The following C2CD2 variants were observed in gnomAD, a reference collection of about 807,000 sequenced individuals.
C2CD2 encodes C2 calcium dependent domain containing 2.
A neutral mutation model predicts 74.3 loss-of-function variants in C2CD2; 43 were observed. The ratio of observed to expected loss-of-function variants is 0.58; its 90% CI spans 0.45 to 0.75. The LOEUF is 0.75. C2CD2 is among the 30% of genes least tolerant of loss of function. The probability of loss-of-function intolerance (pLI) is 0.00; values close to 1 mark genes in which losing one functional copy is unlikely to be tolerated. For synonymous variants in C2CD2, 422 were observed against 390.7 expected (o/e 1.08, Z -0.94); for missense variants, 801 against 916.3 (o/e 0.87, Z 1.63).
Position 41,923,831 on chromosome 21 carries a change from G to A in C2CD2, c.379-1746C>T, listed in dbSNP as rs772227313. 2.6e-5 allele frequency among the ~76,000 whole-genome samples: 4 copies of A among 152,094 alleles called. No individual in the cohort carries two copies. Among genetic ancestry groups the A allele is most frequent in the East Asian group, 1.9e-4 (1 of 5,178 alleles). ...TCAGACCCCTCCCCGCTCCCCTCCC[G>A]GGGGCAGAGGGCCAAGCAGACACGT... On this transcript the variant is annotated intron_variant, in intron 2 of 13. Transcript: ENST00000380486. The surrounding 1 kb of genome is among the most constrained non-coding windows in gnomAD (Gnocchi z 5.8).
At chr21:41,932,471 C>T (rs1299583253) in intron 2 of C2CD2, among the ~76,000 whole-genome samples, 2 of 150,596 alleles carry the variant, frequency 1.3e-5, no homozygotes, top group Non-Finnish European at 3.0e-5. Context: ...CGGGGGCAAC[C>T]CGGAGCTTAC....
chr21:41,907,841 G>A lies in C2CD2; in HGVS notation c.1019-57C>T, dbSNP rs577893633. 1.5e-4 allele frequency: 240 copies of A among 1,602,216 alleles called. 1 individual carries two copies. The East Asian group carries it at 5.3e-3, about 35-fold the overall frequency. On this transcript the variant is annotated intron_variant, in intron 8 of 13. Coordinates refer to ENST00000380486, the MANE Select transcript of C2CD2 (RefSeq NM_015500.2). Reference sequence around the variant, plus strand: ...GCTGATGTTTCCCGGGCTTCCGTGAGGACGGAAAGGCCCACACGCCCAGCA... The same window carrying A: ...GCTGATGTTTCCCGGGCTTCCGTGAAGACGGAAAGGCCCACACGCCCAGCA...
chr21:41,896,069 CG>C (rs2064818769), intron 13 of C2CD2, among the ~76,000 whole-genome samples: 2 of 152,252 alleles, frequency 1.3e-5, no homozygotes, highest in African/African-American at 4.8e-5. Context: ...GAGGAACACG[CG>C]GAACTAGCAA....
rs201007045 is a variant in C2CD2, at chr21:41,900,250, G to A, written c.1561-888C>T. Among the ~76,000 whole-genome samples the A allele has an allele frequency of 2.6e-4, 39 of 152,202 alleles. 1 individual carries two copies. In the East Asian group the frequency reaches 3.3e-3, roughly 13 times the overall value. ...GATTACGCCACTGCACTCCAGCCTG[G>A]GTGACAGAGCGAGACTCCGTCTCAA... On this transcript the variant is annotated intron_variant, in intron 12 of 13. Coordinates refer to ENST00000380486, the MANE Select transcript of C2CD2 (RefSeq NM_015500.2).
Position 41,891,194 on chromosome 21 carries a change from C to T in C2CD2, c.1871-1850G>A, listed in dbSNP as rs537965815. Reference sequence around the variant, plus strand: ...GTTAGGAGCCTGTGTGCAGGAGCTTCGGAGACTGCTGGAAAAGGAATGAAA... The same window carrying T: ...GTTAGGAGCCTGTGTGCAGGAGCTTTGGAGACTGCTGGAAAAGGAATGAAA... On this transcript the variant is annotated intron_variant, in intron 13 of 13. Coordinates refer to ENST00000380486, the MANE Select transcript of C2CD2 (RefSeq NM_015500.2). Among the ~76,000 whole-genome samples the T allele has an allele frequency of 3.5e-5, 4 of 114,476 alleles. No individual in the cohort carries two copies. The East Asian group carries it at 9.7e-4, about 28-fold the overall frequency. The allele number at this position is 114,476 out of a possible 152,430, so 75.1% of individuals were successfully genotyped here. A position where few individuals can be genotyped will look rare whatever the true frequency, so the allele number is the denominator to read the frequency against.
intron 2 of C2CD2, among the ~76,000 whole-genome samples, chr21:41,925,166 A>G (rs2065196615): frequency 1.3e-5 from 2 of 152,278 alleles, no homozygotes; most frequent in South Asian, 4.1e-4. Context: ...GCCTCCCCTC[A>G]GAATTTGGCT....
intron 2 of C2CD2, among the ~76,000 whole-genome samples, chr21:41,940,953 G>A (rs1382231577): frequency 6.6e-6 from 1 of 151,978 alleles, no homozygotes; most frequent in Admixed American, 6.6e-5. Context: ...TATTAATGGG[G>A]AAAATTCAGA....
chr21:41,914,700 T>A lies in C2CD2; in HGVS notation c.742A>T (p.Thr248Ser). ...EAQNLQCAASTAQESCPPKPP... is the reference protein window; with the variant it reads ...EAQNLQCAASSAQESCPPKPP... ...TTAGGAGGACAGGATTCCTGAGCAG[T>A]AGATGCAGCACACTGTAAGTTCTGA... Residue 248 changes from threonine (T) to serine (S), a missense_variant, in exon 6 of 14, where the codon ACT becomes TCT. Coordinates refer to ENST00000380486, the MANE Select transcript of C2CD2 (RefSeq NM_015500.2). 6.2e-7 allele frequency: 1 copy of A among 1,613,640 alleles called. No individual in the cohort carries two copies. Among genetic ancestry groups the A allele is most frequent in the Non-Finnish European group, 8.5e-7 (1 of 1,179,626 alleles).
In C2CD2 at chr21:41,929,791, G is replaced by A. The variant is rs537412131; in HGVS notation, c.379-7706C>T. Among the ~76,000 whole-genome samples the A allele has an allele frequency of 1.3e-5, 2 of 152,318 alleles. No homozygotes were observed. The highest frequency in any genetic ancestry group is 6.5e-5 in the Admixed American group (1 of 15,308). The stretch of plus-strand genomic sequence containing the variant: ...AGCAAGTTTTCCAAATGAAAGTTAC[G>A]TTGAAAGCCACAGTTACCATACTGT... On this transcript the variant is annotated intron_variant, in intron 2 of 13. Coordinates refer to ENST00000380486, the MANE Select transcript of C2CD2 (RefSeq NM_015500.2). The surrounding 1 kb of genome is among the most constrained non-coding windows in gnomAD (Gnocchi z 4.6).
intron 11 of C2CD2, 73 bp downstream of exon 11, chr21:41,905,651 T>A: frequency 1.3e-6 from 1 of 781,348 alleles, no homozygotes; most frequent in Non-Finnish European, 2.1e-6. Context: ...GAAAGGAAAA[T>A]ACTTCATATC....
intron 7 of C2CD2, 143 bp from the exon 8 acceptor site, chr21:41,909,666 G>C (rs1414411717): frequency 1.3e-5 from 9 of 680,220 alleles, no homozygotes; most frequent in Admixed American, 1.1e-4. Context: ...GCAAAAAAAG[G>C]GAAAGAGTTA....
rs900936387 is a variant in C2CD2, at chr21:41,945,624, A to C, written c.280-3379T>G. 6.6e-6 allele frequency among the ~76,000 whole-genome samples: 1 copy of C among 152,214 alleles called. No homozygotes were observed. The highest frequency in any genetic ancestry group is 1.5e-5 in the Non-Finnish European group (1 of 68,038). On this transcript the variant is annotated intron_variant, in intron 1 of 13. Coordinates refer to ENST00000380486, the MANE Select transcript of C2CD2 (RefSeq NM_015500.2). This position sits in a 1 kb window ranked among gnomAD's most constrained non-coding sequence, Gnocchi z 4.2. ...CGGTTTGGCTCTGTTTGTAACCACC[A>C]TGTGTCAAGAGAGGGACCTGTAATC...
At chr21:41,918,070 G>A (rs745432604) in intron 5 of C2CD2, 35 bp downstream of exon 5, 2 of 1,613,184 alleles carry the variant, frequency 1.2e-6, no homozygotes, top group East Asian at 2.2e-5. Context: ...GCCTAACGGG[G>A]TTCAGATGCA....
At chr21:41,933,442 T>C (rs1483256664) in intron 2 of C2CD2, among the ~76,000 whole-genome samples, 1 of 152,170 alleles carries the variant, frequency 6.6e-6, no homozygotes, top group African/African-American at 2.4e-5. Context: ...CCGAACAGTG[T>C]TAACAAAAAG....
chr21:41,902,110 G>A (rs1312002130), intron 11 of C2CD2, among the ~76,000 whole-genome samples: 1 of 152,186 alleles, frequency 6.6e-6, no homozygotes, highest in South Asian at 2.1e-4. Context: ...TCACTGAAGT[G>A]TCTGCTTAAG....
intron 6 of C2CD2, among the ~76,000 whole-genome samples, chr21:41,912,667 A>T (rs554375): frequency 0.26 from 39,385 of 151,668 alleles, 5,534 homozygotes; most frequent in Middle Eastern, 0.36. Context: ...ATTTTTGTAT[A>T]TTTAGTAGAG....
chr21:41,900,803 A>G (rs953951787), intron 12 of C2CD2: 3 of 152,128 alleles, frequency 2.0e-5, no homozygotes, highest in Admixed American at 2.0e-4. Context: ...GGAAATGTCA[A>G]AAAAAAGTAA....
intron 5 of C2CD2, among the ~76,000 whole-genome samples, chr21:41,917,134 G>A (rs1214732669): frequency 1.3e-5 from 2 of 152,140 alleles, no homozygotes; most frequent in Non-Finnish European, 1.5e-5. Context: ...TGCAGGCTTC[G>A]GGAGGGTGAT....
chr21:41,919,177 TGTGA>T (rs1244844036), intron 3 of C2CD2: 5 of 588,450 alleles, frequency 8.5e-6, no homozygotes, highest in African/African-American at 5.6e-5. Context: ...TGTGTGTGCA[TGTGA>T]GTGTGAATGT....
Sources: allele counts gnomAD v4.1 joint callset (sites outside exome capture counted in the v4.1 genomes callset), GRCh38; gene constraint gnomAD v4.1.1; non-coding constraint Gnocchi (gnomAD v3.1); transcripts MANE v1.5; gene names NCBI Gene and HGNC (gene_info 2026-07-23, HGNC 2026-07-21).